Variants in UBE2L5 observed in about 807,000 individuals in gnomAD.
UBE2L5 encodes the protein ubiquitin conjugating enzyme E2 L5, also known as ubiquitin-conjugating enzyme E2 L5.
UBE2L5 carries 3 observed loss-of-function variants against 10.0 expected under a neutral mutation model. The observed-to-expected ratio is 0.30, with a 90% confidence interval of 0.14 to 0.78. The LOEUF (loss-of-function observed/expected upper bound fraction) is 0.78. Among genes scored for constraint, UBE2L5 ranks in the 30% least tolerant of loss-of-function variants. The pLI is 0.65. For missense variants in UBE2L5, 131 were observed against 193.3 expected, an observed-to-expected ratio of 0.68 and a Z score of 1.91; for synonymous variants, 60 against 71.9, an observed-to-expected ratio of 0.83 and a Z score of 0.83.
intron 2 of UBE2L5, among the ~76,000 whole-genome samples, chr13:30,425,974 A>G (rs1885532949): frequency 2.0e-5 from 3 of 151,346 alleles, no homozygotes; most frequent in Admixed American, 6.6e-5. Flanking sequence ...AGATTGGGCC[A>G]TTGCACTCCA....
chr13:30,424,009 G>A (rs1186153046), intron 1 of UBE2L5, among the ~76,000 whole-genome samples: 4 of 152,206 alleles, frequency 2.6e-5, no homozygotes, highest in African/African-American at 4.8e-5. Context: ...TTTGGCCTGC[G>A]GGGTGTAGTT....
intron 1 of UBE2L5, among the ~76,000 whole-genome samples, chr13:30,423,349 C>T (rs113391784): frequency 4.6e-5 from 7 of 152,118 alleles, no homozygotes; most frequent in East Asian, 3.9e-4. Flanking sequence ...GGTGGCTCAA[C>T]GCCTGTAATC....
In UBE2L5 at chr13:30,429,532, A is replaced by G. The variant is rs1322933650; in HGVS notation, c.*1077A>G. Among the ~76,000 whole-genome samples, 1 of 151,988 alleles carries G rather than the reference A, an allele frequency of 6.6e-6. No homozygotes were observed. The highest frequency in any genetic ancestry group is 1.5e-5 in the Non-Finnish European group (1 of 68,010). ...CTCTCATCCTTAATGACATTTTCAT[A>G]TTCTCCATCCCCCATCCCCCACCGC... On this transcript the variant is annotated 3_prime_UTR_variant, in exon 4 of 4. Coordinates refer to ENST00000635918, the MANE Select transcript of UBE2L5 (RefSeq NM_001355247.2).
chr13:30,428,657 C>G lies in UBE2L5; in HGVS notation c.*202C>G. Reference sequence around the variant, plus strand: ...GAAAGGATTAAAAATTTAAGATGTTCTTAAAAAAAAAAAAAGTGGCCATTA... The same window carrying G: ...GAAAGGATTAAAAATTTAAGATGTTGTTAAAAAAAAAAAAAGTGGCCATTA... On this transcript the variant is annotated 3_prime_UTR_variant, in exon 4 of 4. Coordinates refer to ENST00000635918, the MANE Select transcript of UBE2L5 (RefSeq NM_001355247.2). 2.0e-6 allele frequency: 1 copy of G among 502,994 alleles called. No individual in the cohort carries two copies. Among genetic ancestry groups the G allele is most frequent in the Non-Finnish European group, 3.3e-6 (1 of 300,160 alleles). The allele number at this position is 502,994 out of a possible 1,614,324, so 31.2% of individuals were successfully genotyped here.
chr13:30,424,702 T>C (rs1885513785), intron 1 of UBE2L5, 106 bp from the exon 2 acceptor site: 1 of 152,192 alleles, frequency 6.6e-6, no homozygotes, highest in South Asian at 2.1e-4. Context: ...TTACAGCAAA[T>C]TTAAAACTAA....
Position 30,428,640 on chromosome 13 carries a change from T to C in UBE2L5, c.*185T>C. ...TCTAGGTAACCTGTAAAGAAAGGAT[T>C]AAAAATTTAAGATGTTCTTAAAAAA... On this transcript the variant is annotated 3_prime_UTR_variant, in exon 4 of 4. Coordinates refer to ENST00000635918, the MANE Select transcript of UBE2L5 (RefSeq NM_001355247.2). 1.7e-6 allele frequency: 1 copy of C among 600,382 alleles called. No homozygotes were observed. The highest frequency in any genetic ancestry group is 2.7e-6 in the Non-Finnish European group (1 of 367,626). 37.2% of individuals were successfully genotyped at this position (600,382 alleles called of 1,614,324 possible).
At position 30,427,945 on chromosome 13, in the gene UBE2L5, C is replaced by T; in HGVS notation, c.-46C>T. The T allele has an allele frequency of 8.3e-7, 1 of 1,205,154 alleles. No homozygotes were observed. The highest frequency in any genetic ancestry group is 1.2e-5 in the South Asian group (1 of 80,934). The allele number at this position is 1,205,154 out of a possible 1,614,324, so 74.7% of individuals were successfully genotyped here. ...ATACATACACAACCATTAAAAGTGG[C>T]CGTTACCACGATGCATTCTGGGAAA... On this transcript the variant is annotated 5_prime_UTR_variant, in exon 4 of 4. Transcript: ENST00000635918.
In UBE2L5 at chr13:30,428,411, G is replaced by T. The variant is rs539769757; in HGVS notation, c.421G>T (p.Glu141Ter). The T allele has an allele frequency of 3.9e-5, 63 of 1,611,276 alleles. No individual in the cohort carries two copies. The highest frequency in any genetic ancestry group is 9.3e-6 in the Non-Finnish European group (11 of 1,179,660). The change falls in exon 4 of 4, where the codon GAA becomes TAA. Residue 141 changes from glutamate (E) to a stop codon, truncating the protein, a stop_gained. Transcript: ENST00000635918. LOFTEE classifies it high-confidence loss of function. The part of the protein sequence containing the change: ...NDRKKFCKNA[E>*]EFTKKYGEKR... ...CCGTAAAAAATTCTGTAAGAATGCT[G>T]AAGAGTTTACAAAGAAATATGGGGA... is the stretch of plus-strand genomic sequence containing the variant.
At chr13:30,425,070 C>T (rs898486175) in intron 2 of UBE2L5, among the ~76,000 whole-genome samples, 169 bp downstream of exon 2, 11 of 152,172 alleles carry the variant, frequency 7.2e-5, no homozygotes, top group Non-Finnish European at 1.3e-4. Flanking sequence ...TGGATACCTG[C>T]GTTACATTCC....
In UBE2L5 at chr13:30,429,534, TCTCCATC is replaced by T. The variant is rs559417047; in HGVS notation, c.*1081_*1087del. On this transcript the variant is annotated 3_prime_UTR_variant, in exon 4 of 4. Transcript: ENST00000635918. ...CTCATCCTTAATGACATTTTCATAT[TCTCCATC>T]CCCCATCCCCCACCGCCTCTCCAGT... Among the ~76,000 whole-genome samples the T allele has an allele frequency of 3.5e-3, 535 of 152,260 alleles. 2 individuals are homozygous for T. The highest frequency in any genetic ancestry group is 0.012 in the African/African-American group (501 of 41,542).
Position 30,428,367 on chromosome 13 carries a change from C to G in UBE2L5, c.377C>G (p.Ala126Gly). Reference sequence around the variant, plus strand: ...GAGCACCCGCTTCGGGCTGACCTAGCTGAAGAATACTCTAACGACCGTAAA... The same window carrying G: ...GAGCACCCGCTTCGGGCTGACCTAGGTGAAGAATACTCTAACGACCGTAAA... ...QPEHPLRADL[A>G]EEYSNDRKKF... Residue 126 changes from alanine to glycine, a missense_variant, in exon 4 of 4, where the codon GCT becomes GGT. Coordinates refer to ENST00000635918, the MANE Select transcript of UBE2L5 (RefSeq NM_001355247.2). 1 of 1,611,826 alleles carries G rather than the reference C, an allele frequency of 6.2e-7. No homozygotes were observed. Among genetic ancestry groups the G allele is most frequent in the Non-Finnish European group, 8.5e-7 (1 of 1,179,566 alleles).
Position 30,429,115 on chromosome 13 carries a change from AAAAT to A in UBE2L5, c.*668_*671del. Reference sequence around the variant, plus strand: ...GTGAAACCCCATCTCTATTAAAAATAAAATAAATAAACAAATAAAAGTAGCCGGG... The same window carrying A: ...GTGAAACCCCATCTCTATTAAAAATAAAATAAACAAATAAAAGTAGCCGGG... On this transcript the variant is annotated 3_prime_UTR_variant, in exon 4 of 4. Coordinates refer to ENST00000635918, the MANE Select transcript of UBE2L5 (RefSeq NM_001355247.2). Among the ~76,000 whole-genome samples the A allele has an allele frequency of 9.3e-6, 1 of 107,962 alleles. No individual in the cohort carries two copies. 70.8% of individuals were successfully genotyped at this position (107,962 alleles called of 152,430 possible).
intron 1 of UBE2L5, among the ~76,000 whole-genome samples, chr13:30,424,247 A>T (rs1413551014): frequency 1.3e-5 from 2 of 152,072 alleles, no homozygotes; most frequent in Non-Finnish European, 2.9e-5. Flanking sequence ...GCACATGTGA[A>T]TTTTCTAAAA....
At position 30,428,809 on chromosome 13, in the gene UBE2L5, G is replaced by C. The variant is rs375122083; in HGVS notation, c.*354G>C. On this transcript the variant is annotated 3_prime_UTR_variant, in exon 4 of 4. Transcript: ENST00000635918. ...CCTACCAGAACCCAGGGTTTACTTA[G>C]AGAACATAAAAGAAAAGAGATTGTA... Among the ~76,000 whole-genome samples, 74 of 148,378 alleles carry C rather than the reference G, an allele frequency of 5.0e-4. No homozygotes were observed. The highest frequency in any genetic ancestry group is 1.7e-3 in the African/African-American group (69 of 40,718).
At chr13:30,424,492 A>C (rs566762140) in intron 1 of UBE2L5, among the ~76,000 whole-genome samples, 1 of 152,070 alleles carries the variant, frequency 6.6e-6, no homozygotes, top group Non-Finnish European at 1.5e-5. Flanking sequence ...CGTTCCCCTA[A>C]GGTGCCGTGA....
chr13:30,428,527 A>G lies in UBE2L5; in HGVS notation c.*72A>G. 1 of 1,541,822 alleles carries G rather than the reference A, an allele frequency of 6.5e-7. No homozygotes were observed. Among genetic ancestry groups the G allele is most frequent in the Non-Finnish European group, 8.7e-7 (1 of 1,144,828 alleles). ...AGTACATTCAGACACCCCGCAAAGCAGGACTCTGTGGAAATTGATACGTGC... is the reference window on the plus strand; with the variant it reads ...AGTACATTCAGACACCCCGCAAAGCGGGACTCTGTGGAAATTGATACGTGC... On this transcript the variant is annotated 3_prime_UTR_variant, in exon 4 of 4. Coordinates refer to ENST00000635918, the MANE Select transcript of UBE2L5 (RefSeq NM_001355247.2).
rs1885592753 is a variant in UBE2L5 at position 30,429,427 on chromosome 13, TCA to T, written c.*975_*976del. On this transcript the variant is annotated 3_prime_UTR_variant, in exon 4 of 4. Coordinates refer to ENST00000635918, the MANE Select transcript of UBE2L5 (RefSeq NM_001355247.2). ...AAAGGAAATGAAACGCATGCAAATT[TCA>T]CAGACAAAAGAGTAGCTTTGCCACC... 6.6e-6 allele frequency among the ~76,000 whole-genome samples: 1 copy of T among 152,192 alleles called. No individual in the cohort carries two copies. The highest frequency in any genetic ancestry group is 2.4e-5 in the African/African-American group (1 of 41,442).
At position 30,429,082 on chromosome 13, in the gene UBE2L5, C is replaced by A. The variant is rs941554231; in HGVS notation, c.*627C>A. The stretch of plus-strand genomic sequence containing the variant: ...GGTCAGGAGTTCGAGACCAGCCTGG[C>A]CAACGTGGTGAAACCCCATCTCTAT... On this transcript the variant is annotated 3_prime_UTR_variant, in exon 4 of 4. Coordinates refer to ENST00000635918, the MANE Select transcript of UBE2L5 (RefSeq NM_001355247.2). Among the ~76,000 whole-genome samples the A allele has an allele frequency of 4.6e-5, 7 of 151,468 alleles. No individual in the cohort carries two copies. Among genetic ancestry groups the A allele is most frequent in the African/African-American group, 9.7e-5 (4 of 41,290 alleles).
In UBE2L5 at chr13:30,427,650, A is replaced by G; in HGVS notation, c.-341A>G. The G allele has an allele frequency of 3.8e-6, 1 of 265,258 alleles. No individual in the cohort carries two copies. Among genetic ancestry groups the G allele is most frequent in the Admixed American group, 5.0e-5 (1 of 20,146 alleles). 16.4% of individuals were successfully genotyped at this position (265,258 alleles called of 1,614,324 possible). On this transcript the variant is annotated 5_prime_UTR_variant, in exon 4 of 4. Coordinates refer to ENST00000635918, the MANE Select transcript of UBE2L5 (RefSeq NM_001355247.2). ...CCTCGTCTCTACTAAAAATACAAAA[A>G]AAAGTTAGCTGTGCATGGTGGCACG...
Sources: allele counts gnomAD v4.1 joint callset (sites outside exome capture counted in the v4.1 genomes callset), GRCh38; gene constraint gnomAD v4.1.1; transcripts MANE v1.5; gene names NCBI Gene and HGNC (gene_info 2026-07-23, HGNC 2026-07-21).